Variants in ADGRF3 observed in about 807,000 individuals in gnomAD.
The protein encoded by ADGRF3 is G protein-coupled receptor 113.
Under a neutral mutation model 93.2 loss-of-function variants are expected in ADGRF3, and 85 were observed. The observed-to-expected ratio is 0.91, with a 90% confidence interval of 0.77 to 1.09. The LOEUF is 1.09. Among genes scored for constraint, ADGRF3 ranks in the 50% least tolerant of loss-of-function variants. The pLI, the probability that ADGRF3 is intolerant of heterozygous loss-of-function variation, is 0.00. For missense variants in ADGRF3, 1,125 were observed against 1,246.2 expected, an observed-to-expected ratio of 0.90 and a Z score of 1.46; for synonymous variants, 534 against 532.5, an observed-to-expected ratio of 1.00 and a Z score of -0.04.
intron 1 of ADGRF3, among the ~76,000 whole-genome samples, chr2:26,344,589 A>G (rs13406551): frequency 1.3e-5 from 2 of 152,178 alleles, no homozygotes; most frequent in Non-Finnish European, 2.9e-5. Context: ...ATTAAGATGT[A>G]TAAGATGCAA....
chr2:26,322,542 G>A lies in ADGRF3; in HGVS notation c.115-4980C>T, dbSNP rs528000765. ...AGATTTATTTTACACTTTTTAGACT[G>A]TTCCTATGATTTTAGAAAAGCTTGA... On this transcript the variant is annotated intron_variant, in intron 1 of 13. Coordinates refer to ENST00000651242, the MANE Select transcript of ADGRF3 (RefSeq NM_001321971.2). Among the ~76,000 whole-genome samples, 6 of 152,204 alleles carry A rather than the reference G, an allele frequency of 3.9e-5. No individual in the cohort carries two copies. In the East Asian group the frequency reaches 1.2e-3, roughly 29 times the overall value.
chr2:26,327,555 T>TG (rs1675501807), intron 1 of ADGRF3, among the ~76,000 whole-genome samples: 1 of 151,772 alleles, frequency 6.6e-6, no homozygotes, highest in South Asian at 2.1e-4. Context: ...GGGTAACTTT[T>TG]TTTTTTTTAA....
At chr2:26,340,988 C>T (rs1269688638) in intron 1 of ADGRF3, among the ~76,000 whole-genome samples, 1 of 152,068 alleles carries the variant, frequency 6.6e-6, no homozygotes, top group African/African-American at 2.4e-5. Context: ...TGCCTCATAT[C>T]ACACTGGGTC....
intron 1 of ADGRF3, among the ~76,000 whole-genome samples, chr2:26,334,095 G>A (rs576331468): frequency 6.6e-6 from 1 of 151,756 alleles, no homozygotes; most frequent in Non-Finnish European, 1.5e-5. Context: ...TAAAGTGCGT[G>A]AGCCACTGTG....
At chr2:26,313,312 T>C in intron 8 of ADGRF3, 65 bp downstream of exon 8, 1 of 1,459,114 alleles carries the variant, frequency 6.9e-7, no homozygotes, top group East Asian at 2.4e-5. Flanking sequence ...GTCTGCAAGC[T>C]GGGTCCTAGA....
At chr2:26,312,125 T>A in intron 9 of ADGRF3, 51 bp from the exon 10 acceptor site, 3 of 1,529,582 alleles carry the variant, frequency 2.0e-6, no homozygotes, top group Non-Finnish European at 2.6e-6. Context: ...CCCACAGGAC[T>A]GAGCCGGGGG....
chr2:26,311,510 T>TGGCCACCTGTGCCTGGCACC lies in ADGRF3; in HGVS notation c.1994_2013dup (p.Ser672GlyfsTer41), dbSNP rs768052089. 9.6e-5 allele frequency: 155 copies of TGGCCACCTGTGCCTGGCACC among 1,613,890 alleles called. No individual in the cohort carries two copies. The highest frequency in any genetic ancestry group is 1.3e-4 in the Non-Finnish European group (151 of 1,179,888). On this transcript the variant is annotated frameshift_variant, in exon 10 of 14. Transcript: ENST00000651242. LOFTEE classifies it high-confidence loss of function. ...AGGCACTGAGCAGTGGGGCTGGCAC[T>TGGCCACCTGTGCCTGGCACC]GGCCACCTGTGCCTGGCACCCTTCT...
chr2:26,333,897 C>T (rs1032590806), intron 1 of ADGRF3, among the ~76,000 whole-genome samples: 17 of 151,912 alleles, frequency 1.1e-4, no homozygotes, highest in Admixed American at 7.2e-4. Flanking sequence ...AATCTCGGCT[C>T]ACTGCAACCT....
intron 1 of ADGRF3, chr2:26,318,779 A>G: frequency 1.0e-6 from 1 of 960,234 alleles, no homozygotes; most frequent in African/African-American, 1.6e-5. Flanking sequence ...CCCCACACCC[A>G]GGAAAGTAAA....
chr2:26,342,264 A>G (rs940396598), intron 1 of ADGRF3, among the ~76,000 whole-genome samples: 1 of 152,196 alleles, frequency 6.6e-6, no homozygotes, highest in Admixed American at 6.5e-5. Context: ...CATCAGGCCC[A>G]TGGCTCAGGA....
chr2:26,325,553 C>G (rs966774575), intron 1 of ADGRF3, among the ~76,000 whole-genome samples: 1 of 152,174 alleles, frequency 6.6e-6, no homozygotes, highest in Non-Finnish European at 1.5e-5. Context: ...ACCTCAAGAG[C>G]ACAACTTAGA....
chr2:26,318,259 T>C (rs940605403), intron 1 of ADGRF3: 18 of 603,234 alleles, frequency 3.0e-5, no homozygotes, highest in African/African-American at 2.8e-4. Context: ...TGTGGATATC[T>C]ATCCAAAACC....
intron 1 of ADGRF3, among the ~76,000 whole-genome samples, chr2:26,341,799 C>T (rs771683548): frequency 1.2e-4 from 18 of 151,952 alleles, no homozygotes; most frequent in Admixed American, 4.6e-4. Context: ...GTGAGCTGGG[C>T]GCGGTGGCTC....
Position 26,308,993 on chromosome 2 carries a change from C to T in ADGRF3, c.*93G>A, listed in dbSNP as rs188260458. On this transcript the variant is annotated 3_prime_UTR_variant, in exon 14 of 14. Coordinates refer to ENST00000651242, the MANE Select transcript of ADGRF3 (RefSeq NM_001321971.2). The stretch of plus-strand genomic sequence containing the variant: ...TTCTCAAGGGCTGAGCTCCGGGAGG[C>T]GGGAAGAGTTCAGAGCATTGGGCCA... The T allele has an allele frequency of 1.0e-3, 1,635 of 1,562,540 alleles. 1 individual carries two copies. The highest frequency in any genetic ancestry group is 1.3e-3 in the Non-Finnish European group (1,474 of 1,135,060).
Position 26,313,852 on chromosome 2 carries a change from C to G in ADGRF3, c.980G>C (p.Arg327Pro). Residue 327 changes from arginine (R) to proline (P), a missense_variant, in exon 7 of 14, where the codon CGC becomes CCC. By Grantham distance (103) the Arg-to-Pro change is moderately radical. Transcript: ENST00000651242. ...GTACGTGGTGTCAGCCATCGGGCAG[C>G]GCTGAACAGCCAGCACAAAGCACTG... ...GSQCFVLAVQ[R>P]CPMADTTYAC... The G allele has an allele frequency of 6.2e-7, 1 of 1,613,950 alleles. No individual in the cohort carries two copies. Among genetic ancestry groups the G allele is most frequent in the Non-Finnish European group, 8.5e-7 (1 of 1,179,880 alleles).
At chr2:26,320,541 A>G (rs1213293157) in intron 1 of ADGRF3, among the ~76,000 whole-genome samples, 1 of 152,242 alleles carries the variant, frequency 6.6e-6, no homozygotes, top group Non-Finnish European at 1.5e-5. Context: ...AACATATACA[A>G]ACCTCCAACT....
In ADGRF3 at chr2:26,346,103, G is replaced by A. The variant is rs752010926; in HGVS notation, c.114+18C>T. ...AGGCGGCTACGCGTGCGCGGTGGGC[G>A]GAGCGCGGCTCTCCTACCTTCTCGG... On this transcript the variant is annotated intron_variant, in intron 1 of 13. Transcript: ENST00000651242. 2 of 1,562,046 alleles carry A rather than the reference G, an allele frequency of 1.3e-6. No homozygotes were observed. Among genetic ancestry groups the A allele is most frequent in the Non-Finnish European group, 8.7e-7 (1 of 1,155,766 alleles).
intron 1 of ADGRF3, among the ~76,000 whole-genome samples, chr2:26,339,996 C>T (rs1230851008): frequency 6.6e-6 from 1 of 152,232 alleles, no homozygotes; most frequent in African/African-American, 2.4e-5. Context: ...GGATAGAAAT[C>T]TGGCCACTTT....
chr2:26,336,315 A>AGTGTGTGTGTAT (rs1553333146), intron 1 of ADGRF3, among the ~76,000 whole-genome samples: 1 of 148,562 alleles, frequency 6.7e-6, no homozygotes, highest in African/African-American at 2.5e-5. Flanking sequence ...GGAGATCAAG[A>AGTGTGTGTGTAT]GTGTGTGTGT....
Sources: allele counts gnomAD v4.1 joint callset (sites outside exome capture counted in the v4.1 genomes callset), GRCh38; gene constraint gnomAD v4.1.1; transcripts MANE v1.5; gene names NCBI Gene and HGNC (gene_info 2026-07-23, HGNC 2026-07-21).